ANO4: variants seen among roughly 807,000 people sequenced by gnomAD.
ANO4 encodes anoctamin-4.
Under a neutral mutation model 141.9 loss-of-function variants are expected in ANO4, and 69 were observed. That is an observed-to-expected ratio of 0.49 (90% CI 0.40 to 0.59). ANO4 has a LOEUF of 0.59. Among genes scored for constraint, ANO4 ranks in the 20% least tolerant of loss-of-function variants. ANO4 has a pLI of 0.00. For missense variants in ANO4, 894 were observed against 1,162.2 expected, an observed-to-expected ratio of 0.77 and a Z score of 3.36; for synonymous variants, 350 against 394.3, an observed-to-expected ratio of 0.89 and a Z score of 1.33.
intron 1 of ANO4, among the ~76,000 whole-genome samples, chr12:100,855,339 T>TA (rs1194214410): frequency 6.6e-6 from 1 of 152,174 alleles, no homozygotes; most frequent in Non-Finnish European, 1.5e-5. Context: ...CAGAGGCTTA[T>TA]AAAAAATAGA....
intron 8 of ANO4, among the ~76,000 whole-genome samples, chr12:100,989,343 A>T (rs1294349299): frequency 2.0e-5 from 3 of 152,142 alleles, no homozygotes; most frequent in Non-Finnish European, 2.9e-5. Flanking sequence ...CTTAATTTAA[A>T]CCCCTACCAT....
intron 1 of ANO4, among the ~76,000 whole-genome samples, chr12:100,822,310 CAGGT>C (rs895829744): frequency 6.6e-6 from 1 of 151,986 alleles, no homozygotes; most frequent in African/African-American, 2.4e-5. Flanking sequence ...GACCAGTCAG[CAGGT>C]AGAAGGTTTT....
At chr12:100,874,957 G>A (rs1281932530) in intron 1 of ANO4, among the ~76,000 whole-genome samples, 1 of 152,144 alleles carries the variant, frequency 6.6e-6, no homozygotes, top group African/African-American at 2.4e-5. Flanking sequence ...TAACTAACTT[G>A]TTTTTGATTT....
At chr12:100,750,252 G>A (rs973792365) in intron 3 of ANO4, among the ~76,000 whole-genome samples, 6 of 151,066 alleles carry the variant, frequency 4.0e-5, no homozygotes, top group Admixed American at 2.6e-4. Context: ...GTGCCTCAGC[G>A]TCCCAAGTAG....
chr12:100,934,539 G>GT (rs887965180), intron 3 of ANO4, among the ~76,000 whole-genome samples: 52 of 148,970 alleles, frequency 3.5e-4, no homozygotes, highest in Middle Eastern at 3.4e-3. Flanking sequence ...CTTCAGTTTT[G>GT]TTTTTTTTTG....
At chr12:100,843,347 A>C (rs1053295632) in intron 1 of ANO4, among the ~76,000 whole-genome samples, 2 of 152,172 alleles carry the variant, frequency 1.3e-5, no homozygotes, top group African/African-American at 4.8e-5. Flanking sequence ...AAGTATCTGG[A>C]CTGTCGACAT....
intron 8 of ANO4, among the ~76,000 whole-genome samples, chr12:101,008,016 A>T (rs192795107): frequency 6.6e-6 from 1 of 152,238 alleles, no homozygotes; most frequent in Non-Finnish European, 1.5e-5. Flanking sequence ...AGTATTTGTC[A>T]GTCTAATCTA....
chr12:100,771,516 A>G (rs2033300458), intron 3 of ANO4, among the ~76,000 whole-genome samples: 1 of 152,172 alleles, frequency 6.6e-6, no homozygotes, highest in Non-Finnish European at 1.5e-5. Flanking sequence ...ATGGACTGGT[A>G]TACTTGTCCA....
intron 1 of ANO4, among the ~76,000 whole-genome samples, chr12:100,895,582 CAG>C (rs1199528551): frequency 6.2e-5 from 8 of 128,688 alleles, no homozygotes; most frequent in Admixed American, 6.1e-4. Flanking sequence ...TTTTTTGAGA[CAG>C]AGTTTTGCTC....
At chr12:100,780,559 C>T (rs1411377213) in intron 3 of ANO4, among the ~76,000 whole-genome samples, 1 of 152,192 alleles carries the variant, frequency 6.6e-6, no homozygotes, top group African/African-American at 2.4e-5. Context: ...TGTAAACTGT[C>T]ATGGCACTGG....
chr12:100,999,329 G>T (rs570962028), intron 8 of ANO4, among the ~76,000 whole-genome samples: 1 of 152,276 alleles, frequency 6.6e-6, no homozygotes, highest in South Asian at 2.1e-4. Context: ...AGCCAGCAAC[G>T]GTAGTTGAGT....
At chr12:100,942,679 C>A in intron 5 of ANO4, 144 bp downstream of exon 5, 1 of 859,282 alleles carries the variant, frequency 1.2e-6, no homozygotes. Context: ...GGGGAATGTT[C>A]CAATATTTAG....
intron 1 of ANO4, among the ~76,000 whole-genome samples, chr12:100,808,610 A>G (rs2035206677): frequency 6.6e-6 from 1 of 152,116 alleles, no homozygotes; most frequent in African/African-American, 2.4e-5. Context: ...TTTGGCACGT[A>G]TTTTTTAAAA....
chr12:100,803,233 G>A (rs2034802780), intron 1 of ANO4, among the ~76,000 whole-genome samples: 1 of 152,192 alleles, frequency 6.6e-6, no homozygotes. Context: ...CGGGAGCAGA[G>A]AAATGGTGGG....
intron 3 of ANO4, among the ~76,000 whole-genome samples, chr12:100,743,046 CT>C (rs2031942054): frequency 6.6e-6 from 1 of 151,554 alleles, no homozygotes; most frequent in South Asian, 2.1e-4. Context: ...TAAGTTACCA[CT>C]CCATGTTATG....
chr12:100,947,413 T>C (rs1485783538), intron 5 of ANO4, among the ~76,000 whole-genome samples: 9 of 152,196 alleles, frequency 5.9e-5, no homozygotes, highest in Non-Finnish European at 1.3e-4. Context: ...TCCATACTCA[T>C]TGGTAAGGCC....
chr12:100,916,810 G>A (rs1279436318), intron 2 of ANO4, among the ~76,000 whole-genome samples: 1 of 152,110 alleles, frequency 6.6e-6, no homozygotes, highest in Non-Finnish European at 1.5e-5. Context: ...GACAAAGAAT[G>A]GATGGGAAGG....
chr12:100,849,620 T>A (rs1362917768), intron 1 of ANO4, among the ~76,000 whole-genome samples: 1 of 152,226 alleles, frequency 6.6e-6, no homozygotes, highest in Non-Finnish European at 1.5e-5. Context: ...TCTATGGATA[T>A]ATTCCAATTC....
At chr12:100,970,912 T>C (rs1566072475) in intron 5 of ANO4, among the ~76,000 whole-genome samples, 1 of 152,026 alleles carries the variant, frequency 6.6e-6, no homozygotes, top group Non-Finnish European at 1.5e-5. Flanking sequence ...AGAGACGGGG[T>C]TTCACCATGT....
Sources: gnomAD v4.1 joint callset for allele counts (sites outside exome capture counted in the v4.1 genomes callset) on GRCh38, gnomAD v4.1.1 for gene constraint, MANE v1.5 for transcripts, NCBI Gene and HGNC (gene_info 2026-07-23, HGNC 2026-07-21) for gene names.